Variants in ARHGEF28 observed in about 807,000 individuals in gnomAD.
ARHGEF28 encodes the protein 190 kDa guanine nucleotide exchange factor.
A neutral mutation model predicts 206.6 loss-of-function variants in ARHGEF28; 152 were observed. The observed-to-expected ratio is 0.74, with a 90% CI of 0.64 to 0.84. The LOEUF is 0.84. ARHGEF28 is among the 40% of genes least tolerant of loss of function. The pLI, the probability that ARHGEF28 is intolerant of heterozygous loss-of-function variation, is 0.00. For missense variants in ARHGEF28, 2,028 were observed against 2,073.2 expected (o/e 0.98, Z 0.42); for synonymous variants, 763 against 776.4 (o/e 0.98, Z 0.29).
At chr5:73,904,297 C>A in intron 32 of ARHGEF28, 37 bp downstream of exon 32, 2 of 1,613,174 alleles carry the variant, frequency 1.2e-6, no homozygotes, top group Non-Finnish European at 1.7e-6. Flanking sequence ...TATCACCAGC[C>A]TTTATTTGTG....
At chr5:73,653,976 T>C (rs1409132933) in intron 1 of ARHGEF28, among the ~76,000 whole-genome samples, 1 of 152,232 alleles carries the variant, frequency 6.6e-6, no homozygotes, top group Non-Finnish European at 1.5e-5. Context: ...GCCTCAGTCA[T>C]AGAGTGCTTC....
chr5:73,682,380 T>C (rs560570683), intron 1 of ARHGEF28, among the ~76,000 whole-genome samples: 5 of 152,136 alleles, frequency 3.3e-5, no homozygotes, highest in African/African-American at 1.2e-4. Context: ...GCCAAGTGTA[T>C]CCTCTGGGGA....
rs2703641 is a variant in ARHGEF28, at chr5:73,641,404, C to G, written c.-12+15082C>G. 4.8e-3 allele frequency among the ~76,000 whole-genome samples: 337 copies of G among 70,522 alleles called. 2 individuals are homozygous for G. The highest frequency in any genetic ancestry group is 6.5e-3 in the African/African-American group (110 of 16,834). The allele number at this position is 70,522 out of a possible 152,430, so 46.3% of individuals were successfully genotyped here. A position where few individuals can be genotyped will look rare whatever the true frequency, so the allele number is the denominator to read the frequency against. ...TGAAAAAATAATGGCAGGGGAAAGG[C>G]TTTTTTTTTTTTTTTTGGCTCATTT... On this transcript the variant is annotated intron_variant, in intron 1 of 35. Transcript: ENST00000513042.
chr5:73,633,520 T>C (rs1210054278), intron 1 of ARHGEF28, among the ~76,000 whole-genome samples: 2 of 151,976 alleles, frequency 1.3e-5, no homozygotes, highest in African/African-American at 2.4e-5. Flanking sequence ...CTATATAAAG[T>C]GTTTAGCACA....
intron 1 of ARHGEF28, among the ~76,000 whole-genome samples, chr5:73,645,446 T>C (rs1283800610): frequency 6.6e-6 from 1 of 152,234 alleles, no homozygotes; most frequent in Non-Finnish European, 1.5e-5. Flanking sequence ...AAAATGAGTA[T>C]GTAAGTTCTG....
intron 2 of ARHGEF28, among the ~76,000 whole-genome samples, chr5:73,724,236 A>C (rs73116543): frequency 0.018 from 2,795 of 152,314 alleles, 98 homozygotes; most frequent in African/African-American, 0.064. Flanking sequence ...CTCTATTAAA[A>C]ATTAAGAATT....
At chr5:73,629,089 G>T (rs1488192399) in intron 1 of ARHGEF28, among the ~76,000 whole-genome samples, 2 of 152,098 alleles carry the variant, frequency 1.3e-5, no homozygotes, top group African/African-American at 4.8e-5. Context: ...ACTGCTCTTT[G>T]CTTTGATTCT....
intron 2 of ARHGEF28, among the ~76,000 whole-genome samples, chr5:73,686,267 T>G (rs1160689803): frequency 6.6e-6 from 1 of 152,046 alleles, no homozygotes; most frequent in Non-Finnish European, 1.5e-5. Context: ...TTACTGCTGT[T>G]TTTTCTGTGT....
intron 12 of ARHGEF28, among the ~76,000 whole-genome samples, chr5:73,846,690 T>C (rs1043065492): frequency 9.2e-5 from 14 of 152,222 alleles, no homozygotes; most frequent in Non-Finnish European, 5.9e-5. Context: ...ATTTACATTT[T>C]CATTAATTCA....
chr5:73,777,563 G>A (rs1010505188), intron 6 of ARHGEF28, among the ~76,000 whole-genome samples: 1 of 152,126 alleles, frequency 6.6e-6, no homozygotes, highest in Non-Finnish European at 1.5e-5. Context: ...GAAATAATGA[G>A]TTAGCCAAAA....
intron 26 of ARHGEF28, 41 bp from the exon 27 acceptor site, chr5:73,892,011 T>G: frequency 6.4e-7 from 1 of 1,554,288 alleles, no homozygotes; most frequent in South Asian, 1.2e-5. Context: ...TTACTTTAGC[T>G]AGGATGCTGT....
intron 2 of ARHGEF28, among the ~76,000 whole-genome samples, chr5:73,722,556 G>A (rs1372694349): frequency 6.6e-6 from 1 of 152,216 alleles, no homozygotes; most frequent in Non-Finnish European, 1.5e-5. Context: ...CTTTTAGGAA[G>A]ACCCACTTTT....
At chr5:73,906,474 G>A (rs1416651032) in intron 33 of ARHGEF28, among the ~76,000 whole-genome samples, 3 of 152,112 alleles carry the variant, frequency 2.0e-5, no homozygotes, top group African/African-American at 7.2e-5. Flanking sequence ...TACCTGCCTT[G>A]GCCTCCCAAA....
chr5:73,744,499 A>C (rs1288567725), intron 2 of ARHGEF28, among the ~76,000 whole-genome samples: 2 of 152,050 alleles, frequency 1.3e-5, no homozygotes, highest in African/African-American at 4.8e-5. Flanking sequence ...CAAGGATCTT[A>C]CAAAGTTCAG....
chr5:73,873,046 T>C lies in ARHGEF28; in HGVS notation c.2614T>C (p.Ser872Pro). ...TCACATCCAGACCCTGTTCATCATG[T>C]CTGAGATCTTCAGGAAAGGCATGAA... ...MHHIQTLFIM[S>P]EIFRKGMKEE... Residue 872 changes from serine to proline, a missense_variant, in exon 22 of 36, where the codon TCT (serine) becomes CCT (proline). Physicochemically the swap from Ser to Pro is moderately conservative, Grantham distance 74. Transcript: ENST00000513042. 1.9e-6 allele frequency: 3 copies of C among 1,613,738 alleles called. No homozygotes were observed. Among genetic ancestry groups the C allele is most frequent in the Non-Finnish European group, 1.7e-6 (2 of 1,179,768 alleles).
At chr5:73,822,766 GACATGCACCACC>G (rs1756676314) in intron 9 of ARHGEF28, among the ~76,000 whole-genome samples, 1 of 152,136 alleles carries the variant, frequency 6.6e-6, no homozygotes, top group African/African-American at 2.4e-5. Context: ...TGCGTATACA[GACATGCACCACC>G]ACATGCAGCT....
chr5:73,795,395 T>C lies in ARHGEF28; in HGVS notation c.1024+4T>C. On this transcript the variant is annotated splice_donor_region_variant and intron_variant, in intron 9 of 35. Transcript: ENST00000513042. ...GACCAGCACAGCCTAGATTTGGGTATGAAATAACGCTTTTACCTATACTCG... is the reference window on the plus strand; with the variant it reads ...GACCAGCACAGCCTAGATTTGGGTACGAAATAACGCTTTTACCTATACTCG... 6.2e-7 allele frequency: 1 copy of C among 1,612,698 alleles called. No homozygotes were observed. Among genetic ancestry groups the C allele is most frequent in the Non-Finnish European group, 8.5e-7 (1 of 1,178,792 alleles).
At chr5:73,914,703 A>G (rs182661161) in intron 35 of ARHGEF28, among the ~76,000 whole-genome samples, 134 of 151,640 alleles carry the variant, frequency 8.8e-4, no homozygotes, top group African/African-American at 3.2e-3. Context: ...GGGCTAAATT[A>G]TTAATTTCTA....
intron 1 of ARHGEF28, among the ~76,000 whole-genome samples, chr5:73,654,639 G>C (rs181882317): frequency 6.6e-6 from 1 of 152,312 alleles, no homozygotes; most frequent in African/African-American, 2.4e-5. Flanking sequence ...CCTTGGGGAA[G>C]TCATCAGACT....
Sources: allele counts gnomAD v4.1 joint callset (sites outside exome capture counted in the v4.1 genomes callset), GRCh38; gene constraint gnomAD v4.1.1; transcripts MANE v1.5; gene names NCBI Gene and HGNC (gene_info 2026-07-23, HGNC 2026-07-21).